ADGRD1: variants seen among roughly 807,000 people sequenced by gnomAD.
ADGRD1 encodes adhesion G protein-coupled receptor D1, also known as G-protein coupled receptor 133.
In ADGRD1, 77 loss-of-function variants were observed where a neutral mutation model predicts 113.4. The ratio of observed to expected loss-of-function variants is 0.68; its 90% confidence interval spans 0.57 to 0.82. The LOEUF is 0.82. Among genes scored for constraint, ADGRD1 ranks in the 40% least tolerant of loss-of-function variants. ADGRD1 has a pLI of 0.00. For synonymous variants in ADGRD1, 474 were observed against 475.0 expected (o/e 1.00, Z 0.03); for missense variants, 1,036 against 1,139.1 (o/e 0.91, Z 1.30).
At chr12:131,136,276 T>C in intron 22 of ADGRD1, 113 bp downstream of exon 22, 1 of 1,296,352 alleles carries the variant, frequency 7.7e-7, no homozygotes, top group Non-Finnish European at 1.1e-6. Context: ...GGCCACACCT[T>C]AGGAGCCTGT....
chr12:131,014,074 G>C (rs1878257183), intron 12 of ADGRD1, 125 bp from the exon 13 acceptor site: 1 of 935,992 alleles, frequency 1.1e-6, no homozygotes. Context: ...AGAAATCAAA[G>C]CTTCATCCAA....
intron 2 of ADGRD1, among the ~76,000 whole-genome samples, chr12:130,959,884 G>A (rs1454746231): frequency 2.0e-5 from 3 of 152,184 alleles, no homozygotes; most frequent in East Asian, 1.9e-4. Context: ...ATAGAATGTC[G>A]TAGTTGAGGG....
At chr12:131,088,884 G>A (rs1886699227) in intron 15 of ADGRD1, among the ~76,000 whole-genome samples, 1 of 152,202 alleles carries the variant, frequency 6.6e-6, no homozygotes, top group Non-Finnish European at 1.5e-5. Flanking sequence ...ATATGTGAGA[G>A]GTCATCTGTG....
At chr12:131,069,036 A>C (rs1444901728) in intron 13 of ADGRD1, among the ~76,000 whole-genome samples, 1 of 152,130 alleles carries the variant, frequency 6.6e-6, no homozygotes, top group Non-Finnish European at 1.5e-5. Flanking sequence ...CATTAGATGG[A>C]ATTTGGATGC....
At chr12:131,020,893 C>T (rs1156247041) in intron 13 of ADGRD1, among the ~76,000 whole-genome samples, 2 of 152,226 alleles carry the variant, frequency 1.3e-5, no homozygotes, top group African/African-American at 4.8e-5. Flanking sequence ...GTCACCACAG[C>T]TTGTGACTTT....
At chr12:130,993,253 G>A (rs1239354482) in intron 8 of ADGRD1, among the ~76,000 whole-genome samples, 4 of 151,986 alleles carry the variant, frequency 2.6e-5, no homozygotes, top group Non-Finnish European at 2.9e-5. Flanking sequence ...TTTCCTTGCT[G>A]AAGTCACACC....
intron 8 of ADGRD1, among the ~76,000 whole-genome samples, chr12:130,998,884 C>T (rs1875963116): frequency 6.6e-6 from 1 of 152,186 alleles, no homozygotes; most frequent in African/African-American, 2.4e-5. Context: ...CTACGTGTGG[C>T]TCGTCCAACT....
chr12:131,007,246 A>G (rs979206970), intron 12 of ADGRD1, among the ~76,000 whole-genome samples: 5 of 152,226 alleles, frequency 3.3e-5, no homozygotes, highest in African/African-American at 1.2e-4. Flanking sequence ...CAGCTCTTTC[A>G]TGAAGGGCCA....
At chr12:131,016,873 A>G (rs1427915083) in intron 13 of ADGRD1, among the ~76,000 whole-genome samples, 1 of 144,842 alleles carries the variant, frequency 6.9e-6, no homozygotes, top group Non-Finnish European at 1.5e-5. Flanking sequence ...AGCCTGGGCG[A>G]TAGAGTGAGA....
In ADGRD1 at chr12:131,052,924, C is replaced by T. The variant is rs373941126; in HGVS notation, c.1474-23877C>T. 3.5e-3 allele frequency among the ~76,000 whole-genome samples: 540 copies of T among 152,282 alleles called. 4 individuals are homozygous for T. The highest frequency in any genetic ancestry group is 0.011 in the African/African-American group (475 of 41,528). On this transcript the variant is annotated intron_variant, in intron 13 of 24. Transcript: ENST00000261654. The stretch of plus-strand genomic sequence containing the variant: ...CCCACATCTCTGCTTGTGGAGAACA[C>T]GACACTGTCTGCCAGGTGCATTCAA...
intron 13 of ADGRD1, chr12:131,024,557 A>T (rs1879727163): frequency 6.6e-6 from 1 of 152,278 alleles, no homozygotes; most frequent in Non-Finnish European, 1.5e-5. Flanking sequence ...TTCAATGCAC[A>T]GATCCTTCCC....
At chr12:131,128,062 T>C (rs7304359) in intron 20 of ADGRD1, among the ~76,000 whole-genome samples, 14,242 of 100,998 alleles carry the variant, frequency 0.14, 1,198 homozygotes, top group African/African-American at 0.23. Context: ...GTGATGGGAC[T>C]CTGAGCTCAG....
chr12:131,106,446 T>C (rs1950237032), intron 17 of ADGRD1, among the ~76,000 whole-genome samples: 1 of 152,178 alleles, frequency 6.6e-6, no homozygotes, highest in Middle Eastern at 3.2e-3. Flanking sequence ...TGAGACTCTC[T>C]GAAGTGACCC....
At chr12:130,982,283 C>T (rs1020674790) in intron 5 of ADGRD1, among the ~76,000 whole-genome samples, 8 of 152,166 alleles carry the variant, frequency 5.3e-5, no homozygotes, top group African/African-American at 1.9e-4. Flanking sequence ...GCCTGGGCTC[C>T]GTCTGCCCGT....
In ADGRD1 at chr12:130,966,428, T is replaced by G; in HGVS notation, c.104-35T>G. On this transcript the variant is annotated intron_variant, in intron 2 of 24. Transcript: ENST00000261654. This position sits in a 1 kb window ranked among gnomAD's most constrained non-coding sequence, Gnocchi z 4.6. Reference sequence around the variant, plus strand: ...TACCCTCTGGTTCTTTCCTCTCTAATGATGATTTAAAATTTTTATTCTTTT... The same window carrying G: ...TACCCTCTGGTTCTTTCCTCTCTAAGGATGATTTAAAATTTTTATTCTTTT... 1 of 1,384,222 alleles carries G rather than the reference T, an allele frequency of 7.2e-7. No individual in the cohort carries two copies. Among genetic ancestry groups the G allele is most frequent in the South Asian group, 1.2e-5 (1 of 86,472 alleles). 85.7% of individuals were successfully genotyped at this position (1,384,222 alleles called of 1,614,324 possible). A position where few individuals can be genotyped will look rare whatever the true frequency, so the allele number is the denominator to read the frequency against.
At chr12:131,035,415 C>A (rs1881269727) in intron 13 of ADGRD1, 3 of 152,308 alleles carry the variant, frequency 2.0e-5, no homozygotes, top group Admixed American at 2.0e-4. Context: ...AGCTTAGAAG[C>A]AGCATGAGCT....
At chr12:131,038,429 C>A (rs899257412) in intron 13 of ADGRD1, among the ~76,000 whole-genome samples, 1 of 152,248 alleles carries the variant, frequency 6.6e-6, no homozygotes, top group Admixed American at 6.5e-5. Context: ...TATCGCAGAG[C>A]CGACACTCCT....
chr12:131,132,656 C>T (rs867330755), intron 21 of ADGRD1, among the ~76,000 whole-genome samples: 5 of 152,202 alleles, frequency 3.3e-5, no homozygotes, highest in Non-Finnish European at 5.9e-5. Context: ...CCTGCTGAGA[C>T]GGAGGCCTGC....
In ADGRD1 at chr12:131,014,898, TA is replaced by T. The variant is rs1878377939; in HGVS notation, c.1473+562del. Reference sequence around the variant, plus strand: ...ATACCGATGCACTGCCATTCTTTAGTAAAAGGCAAAAGATGTATACAATCTG... The same window carrying T: ...ATACCGATGCACTGCCATTCTTTAGTAAAGGCAAAAGATGTATACAATCTG... On this transcript the variant is annotated intron_variant, in intron 13 of 24. Coordinates refer to ENST00000261654, the MANE Select transcript of ADGRD1 (RefSeq NM_198827.5). Among the ~76,000 whole-genome samples, 2 of 152,240 alleles carry T rather than the reference TA, an allele frequency of 1.3e-5. 1 individual carries two copies. Among genetic ancestry groups the T allele is most frequent in the South Asian group, 4.1e-4 (2 of 4,832 alleles).
Sources: allele counts gnomAD v4.1 joint callset (sites outside exome capture counted in the v4.1 genomes callset), GRCh38; gene constraint gnomAD v4.1.1; non-coding constraint Gnocchi (gnomAD v3.1); transcripts MANE v1.5; gene names NCBI Gene and HGNC (gene_info 2026-07-23, HGNC 2026-07-21).